RBBP8: variants seen among roughly 807,000 people sequenced by gnomAD.
RBBP8 encodes the protein DNA endonuclease RBBP8.
Under a neutral mutation model 108.3 loss-of-function variants are expected in RBBP8, and 88 were observed. That is an observed-to-expected ratio of 0.81 (90% CI 0.68 to 0.97). The LOEUF is 0.97. RBBP8 is among the 50% of genes least tolerant of loss of function. The pLI, the probability that RBBP8 is intolerant of heterozygous loss-of-function variation, is 0.00. For synonymous variants in RBBP8, 332 were observed against 348.2 expected (o/e 0.95, Z 0.52); for missense variants, 1,023 against 1,049.0 (o/e 0.98, Z 0.34).
intron 4 of RBBP8, among the ~76,000 whole-genome samples, chr18:22,963,376 A>G (rs1017342418): frequency 1.3e-5 from 2 of 152,136 alleles, no homozygotes; most frequent in Admixed American, 1.3e-4. Flanking sequence ...TGTAAACTGT[A>G]ATTTTTCTTC....
intron 14 of RBBP8, among the ~76,000 whole-genome samples, chr18:22,998,632 C>T (rs1454096133): frequency 1.3e-5 from 2 of 152,184 alleles, no homozygotes; most frequent in South Asian, 2.1e-4. Flanking sequence ...TGTTAGAAGC[C>T]GAATACATTG....
intron 4 of RBBP8, among the ~76,000 whole-genome samples, chr18:22,952,244 A>G (rs773630056): frequency 1.3e-5 from 2 of 152,190 alleles, no homozygotes; most frequent in Non-Finnish European, 2.9e-5. Context: ...CAGCCTGTCT[A>G]TCCAAATGGA....
upstream of RBBP8, among the ~76,000 whole-genome samples, chr18:22,931,038 A>C (rs1910004199): frequency 6.6e-6 from 1 of 152,180 alleles, no homozygotes; most frequent in Non-Finnish European, 1.5e-5. Flanking sequence ...CAGCCACCCA[A>C]AGTCTGGCCC....
intron 4 of RBBP8, 38 bp from the exon 5 acceptor site, chr18:22,968,768 C>A: frequency 6.5e-7 from 1 of 1,538,168 alleles, no homozygotes; most frequent in East Asian, 2.3e-5. Context: ...AAGGAAATCT[C>A]TTTTAGTGGA....
chr18:23,009,379 GT>G (rs577173034), intron 16 of RBBP8, among the ~76,000 whole-genome samples: 8 of 146,544 alleles, frequency 5.5e-5, no homozygotes, highest in Non-Finnish European at 7.5e-5. Flanking sequence ...AAATCACTGC[GT>G]TTTTTTTTTA....
chr18:22,987,653 T>C (rs1915420748), intron 8 of RBBP8, among the ~76,000 whole-genome samples: 1 of 152,106 alleles, frequency 6.6e-6, no homozygotes, highest in Non-Finnish European at 1.5e-5. Context: ...TGTTTCACCA[T>C]GTTGCCAAGG....
chr18:23,014,227 T>C (rs1253045602), intron 16 of RBBP8, among the ~76,000 whole-genome samples: 1 of 152,054 alleles, frequency 6.6e-6, no homozygotes, highest in African/African-American at 2.4e-5. Flanking sequence ...GCTGGATGAA[T>C]GTTGTTTTCA....
chr18:22,996,755 G>C (rs1044505069), intron 13 of RBBP8, among the ~76,000 whole-genome samples: 38 of 152,304 alleles, frequency 2.5e-4, no homozygotes, highest in African/African-American at 8.4e-4. Flanking sequence ...CCAACACTCT[G>C]GGAGGTCGAA....
intron 3 of RBBP8, among the ~76,000 whole-genome samples, chr18:22,948,269 A>C (rs11661754): frequency 0.018 from 2,802 of 152,222 alleles, 39 homozygotes; most frequent in Non-Finnish European, 0.032. Context: ...TCACACCTCC[A>C]GGCTTAGACA....
chr18:22,952,946 C>A (rs1442204521), intron 4 of RBBP8, among the ~76,000 whole-genome samples: 1 of 152,140 alleles, frequency 6.6e-6, no homozygotes, highest in African/African-American at 2.4e-5. Flanking sequence ...GCTTTTTGTT[C>A]CATCATTCCT....
intron 3 of RBBP8, among the ~76,000 whole-genome samples, chr18:22,918,014 A>G (rs1329966324): frequency 1.3e-5 from 2 of 150,248 alleles, no homozygotes; most frequent in African/African-American, 4.9e-5. Flanking sequence ...AAAAAAAAAA[A>G]CATATAATGT....
intron 5 of RBBP8, among the ~76,000 whole-genome samples, chr18:22,974,713 G>A (rs1466849483): frequency 6.6e-6 from 1 of 152,108 alleles, no homozygotes; most frequent in East Asian, 1.9e-4. Context: ...ACCCACCTCC[G>A]CCTCTGAGTG....
At chr18:22,927,397 A>T (rs1362617436) in intron 3 of RBBP8, among the ~76,000 whole-genome samples, 2 of 152,226 alleles carry the variant, frequency 1.3e-5, no homozygotes, top group African/African-American at 4.8e-5. Context: ...TAAACGAAGA[A>T]TTGGATACCC....
At chr18:22,984,467 C>T (rs1915177931) in intron 7 of RBBP8, among the ~76,000 whole-genome samples, 1 of 152,116 alleles carries the variant, frequency 6.6e-6, no homozygotes. Context: ...TTACTACAGC[C>T]TGGAACTTTT....
chr18:22,968,634 T>C (rs188313049), intron 4 of RBBP8, among the ~76,000 whole-genome samples, 172 bp from the exon 5 acceptor site: 1 of 152,318 alleles, frequency 6.6e-6, no homozygotes, highest in Admixed American at 6.5e-5. Context: ...AATGGTGGTA[T>C]AACATGATTT....
intron 6 of RBBP8, 131 bp downstream of exon 6, chr18:22,975,350 C>A: frequency 7.4e-7 from 1 of 1,357,568 alleles, no homozygotes; most frequent in Non-Finnish European, 9.9e-7. Context: ...CAAAGAAAAT[C>A]ACTACATTTT....
At chr18:22,941,614 C>A (rs923546052) in intron 2 of RBBP8, among the ~76,000 whole-genome samples, 2 of 152,062 alleles carry the variant, frequency 1.3e-5, no homozygotes, top group Non-Finnish European at 2.9e-5. Context: ...TTAATAGGAA[C>A]AATATGCCAT....
At chr18:22,927,527 G>A (rs1909835172) in intron 3 of RBBP8, among the ~76,000 whole-genome samples, 1 of 152,140 alleles carries the variant, frequency 6.6e-6, no homozygotes, top group African/African-American at 2.4e-5. Flanking sequence ...GTCACATGCA[G>A]ACTTGAGAAC....
At chr18:22,923,647 C>A (rs548631612) in intron 3 of RBBP8, among the ~76,000 whole-genome samples, 6 of 152,324 alleles carry the variant, frequency 3.9e-5, no homozygotes, top group African/African-American at 1.4e-4. Context: ...TATCTCCCAG[C>A]TCACGACTCT....
Sources: allele counts gnomAD v4.1 joint callset (sites outside exome capture counted in the v4.1 genomes callset), GRCh38; gene constraint gnomAD v4.1.1; transcripts MANE v1.5; gene names NCBI Gene and HGNC (gene_info 2026-07-23, HGNC 2026-07-21).